The following TAFA2 variants were observed in gnomAD, a reference collection of about 807,000 sequenced individuals.
TAFA2 encodes the protein chemokine-like protein TAFA-2.
TAFA2 carries 7 observed loss-of-function variants against 18.8 expected under a neutral mutation model. The ratio of observed to expected loss-of-function variants is 0.37; its 90% CI spans 0.21 to 0.70. The LOEUF (loss-of-function observed/expected upper bound fraction) is 0.70. TAFA2 is among the 30% of genes least tolerant of loss of function. The pLI, the probability that TAFA2 is intolerant of heterozygous loss-of-function variation, is 0.53. For synonymous variants in TAFA2, 60 were observed against 54.2 expected (o/e 1.11, Z -0.47); for missense variants, 122 against 158.1 (o/e 0.77, Z 1.23).
chr12:62,243,812 G>T (rs1226536212), intron 1 of TAFA2, among the ~76,000 whole-genome samples: 1 of 152,126 alleles, frequency 6.6e-6, no homozygotes, highest in East Asian at 1.9e-4. Context: ...ACAGGGTCTT[G>T]CTCTATCACC....
At chr12:62,069,899 A>C (rs1443370265) in intron 1 of TAFA2, among the ~76,000 whole-genome samples, 1 of 152,210 alleles carries the variant, frequency 6.6e-6, no homozygotes, top group African/African-American at 2.4e-5. Flanking sequence ...TGCTATAGCC[A>C]ATGTATATAT....
intron 4 of TAFA2, among the ~76,000 whole-genome samples, chr12:61,723,059 T>C (rs1869979896): frequency 6.6e-6 from 1 of 152,164 alleles, no homozygotes; most frequent in Non-Finnish European, 1.5e-5. Context: ...TACTTAATCC[T>C]AGGACTTGAT....
intron 2 of TAFA2, among the ~76,000 whole-genome samples, chr12:61,806,527 G>T (rs1446835981): frequency 1.3e-5 from 2 of 152,184 alleles, no homozygotes; most frequent in East Asian, 3.8e-4. Flanking sequence ...GTAGAGTGGG[G>T]CACTGCTGAA....
intron 2 of TAFA2, among the ~76,000 whole-genome samples, chr12:61,769,925 C>A (rs536852047): frequency 6.6e-6 from 1 of 151,952 alleles, no homozygotes; most frequent in African/African-American, 2.4e-5. Flanking sequence ...TTCAAAAGGT[C>A]AATTATTAAG....
chr12:61,854,760 G>A (rs541471441), intron 2 of TAFA2, among the ~76,000 whole-genome samples: 1 of 151,636 alleles, frequency 6.6e-6, no homozygotes. Context: ...AAATATGAGG[G>A]TATAATAAAG....
chr12:61,735,804 T>C lies in TAFA2; in HGVS notation c.384+17818A>G, dbSNP rs1273268123. ...TTATTTTGTTTTTGTTTACATTGCC[T>C]TATCTTCATGTTTGCCTGGTTATTT... On this transcript the variant is annotated intron_variant, in intron 4 of 4. Coordinates refer to ENST00000416284, the MANE Select transcript of TAFA2 (RefSeq NM_178539.5). Among the ~76,000 whole-genome samples, 8 of 152,086 alleles carry C rather than the reference T, an allele frequency of 5.3e-5. No individual in the cohort carries two copies. The South Asian group carries it at 1.0e-3, about 20-fold the overall frequency.
At chr12:62,174,302 G>A (rs982379869) in intron 1 of TAFA2, among the ~76,000 whole-genome samples, 5 of 151,796 alleles carry the variant, frequency 3.3e-5, no homozygotes, top group African/African-American at 1.2e-4. Context: ...GCGACAGGGT[G>A]AGACCCAGAC....
chr12:62,231,019 C>T (rs2062809913), intron 1 of TAFA2, among the ~76,000 whole-genome samples: 1 of 152,320 alleles, frequency 6.6e-6, no homozygotes, highest in Non-Finnish European at 1.5e-5. Flanking sequence ...TATTCTGCAA[C>T]AGTTGGATAA....
intron 2 of TAFA2, among the ~76,000 whole-genome samples, chr12:61,862,813 A>C (rs1267754758): frequency 1.3e-5 from 2 of 152,196 alleles, no homozygotes; most frequent in Non-Finnish European, 2.9e-5. Flanking sequence ...CCAAAGGGCT[A>C]TTTAAAAATT....
At chr12:61,832,365 G>T (rs1342491130) in intron 2 of TAFA2, among the ~76,000 whole-genome samples, 6 of 151,988 alleles carry the variant, frequency 3.9e-5, no homozygotes, top group Non-Finnish European at 4.4e-5. Context: ...GAAATCACTT[G>T]CAGGTGCCCT....
At chr12:61,955,218 C>A (rs1247709013) in intron 1 of TAFA2, among the ~76,000 whole-genome samples, 1 of 152,052 alleles carries the variant, frequency 6.6e-6, no homozygotes, top group East Asian at 1.9e-4. Context: ...TTGGGGCACA[C>A]ATAATGTTAA....
chr12:61,763,901 T>C lies in TAFA2; in HGVS notation c.107-8877A>G, dbSNP rs544756358. On this transcript the variant is annotated intron_variant, in intron 2 of 4. Coordinates refer to ENST00000416284, the MANE Select transcript of TAFA2 (RefSeq NM_178539.5). ...ATTCCTGAAAACATTTTCCAGAATA[T>C]GTTTCAATTGGCCCCCTTTTTTTTC... Among the ~76,000 whole-genome samples the C allele has an allele frequency of 2.0e-5, 3 of 152,094 alleles. No individual in the cohort carries two copies. In the East Asian group the frequency reaches 5.9e-4, roughly 30 times the overall value.
At chr12:62,225,164 T>C (rs1054496316) in intron 1 of TAFA2, among the ~76,000 whole-genome samples, 4 of 152,004 alleles carry the variant, frequency 2.6e-5, no homozygotes, top group African/African-American at 9.7e-5. Flanking sequence ...ATTAAGACAA[T>C]GTGGTACTAG....
intron 1 of TAFA2, among the ~76,000 whole-genome samples, chr12:62,060,551 A>G (rs1882319109): frequency 6.6e-6 from 1 of 152,226 alleles, no homozygotes; most frequent in South Asian, 2.1e-4. Context: ...CTACTATACC[A>G]TATTTATCAT....
At chr12:61,855,459 G>A (rs1366064085) in intron 2 of TAFA2, among the ~76,000 whole-genome samples, 1 of 152,128 alleles carries the variant, frequency 6.6e-6, no homozygotes, top group Non-Finnish European at 1.5e-5. Flanking sequence ...AACTATTAAG[G>A]AAGCTGAATT....
intron 1 of TAFA2, among the ~76,000 whole-genome samples, chr12:61,935,006 G>A (rs1877706432): frequency 6.6e-6 from 1 of 152,090 alleles, no homozygotes; most frequent in Non-Finnish European, 1.5e-5. Context: ...GAGTTTATAA[G>A]CATTGACCAA....
chr12:62,045,303 T>G (rs1881880763), intron 1 of TAFA2, among the ~76,000 whole-genome samples: 1 of 152,170 alleles, frequency 6.6e-6, no homozygotes, highest in Admixed American at 6.5e-5. Context: ...GCTCACACAT[T>G]CTCTTAATCT....
At chr12:61,866,704 A>G (rs1874368687) in intron 2 of TAFA2, among the ~76,000 whole-genome samples, 1 of 152,154 alleles carries the variant, frequency 6.6e-6, no homozygotes, top group African/African-American at 2.4e-5. Context: ...CCTGCTGAAT[A>G]CTGGGCAGTG....
At chr12:61,795,198 A>G (rs1308068850) in intron 2 of TAFA2, among the ~76,000 whole-genome samples, 1 of 152,210 alleles carries the variant, frequency 6.6e-6, no homozygotes, top group Non-Finnish European at 1.5e-5. Context: ...TAGAACTAGA[A>G]ATACCATTTG....
Sources: allele counts gnomAD v4.1 joint callset (sites outside exome capture counted in the v4.1 genomes callset), GRCh38; gene constraint gnomAD v4.1.1; transcripts MANE v1.5; gene names NCBI Gene and HGNC (gene_info 2026-07-23, HGNC 2026-07-21).